NR6A1: variants seen among roughly 807,000 people sequenced by gnomAD.
The protein encoded by NR6A1 is nuclear receptor subfamily 6 group A member 1, also known as retinoic acid receptor-related testis-associated receptor.
Under a neutral mutation model 59.1 loss-of-function variants are expected in NR6A1, and 7 were observed. That is an observed-to-expected ratio of 0.12 (90% CI 0.07 to 0.22). NR6A1 has a LOEUF of 0.22. Among genes scored for constraint, NR6A1 ranks in the 10% least tolerant of loss-of-function variants. NR6A1 has a pLI of 1.00. For synonymous variants in NR6A1, 243 were observed against 236.1 expected (o/e 1.03, Z -0.27); for missense variants, 468 against 611.6 (o/e 0.77, Z 2.48).
At position 124,594,398 on chromosome 9, in the gene NR6A1, T is replaced by C. The variant is rs554696829; in HGVS notation, c.143-39828A>G. Among the ~76,000 whole-genome samples the C allele has an allele frequency of 5.1e-4, 78 of 152,246 alleles. No homozygotes were observed. The Middle Eastern group carries it at 0.01, about 20-fold the overall frequency. ...AGCAGACTACATATCACTAAGAGAC[T>C]CAAGCTCGTCGAAAAAAAATCTAAA... On this transcript the variant is annotated intron_variant, in intron 2 of 9. Coordinates refer to ENST00000487099, the MANE Select transcript of NR6A1 (RefSeq NM_033334.4).
At chr9:124,719,108 G>A (rs1031256189) in intron 2 of NR6A1, among the ~76,000 whole-genome samples, 5 of 150,350 alleles carry the variant, frequency 3.3e-5, no homozygotes, top group Admixed American at 6.6e-5. Flanking sequence ...CTTTTGTGGC[G>A]GGGAGGGTGG....
At chr9:124,652,928 CCAA>C (rs1278266103) in intron 2 of NR6A1, among the ~76,000 whole-genome samples, 10 of 152,308 alleles carry the variant, frequency 6.6e-5, no homozygotes, top group African/African-American at 1.9e-4. Context: ...CTCCAGATGG[CCAA>C]CAACTCTGAA....
rs555099510 is a variant in NR6A1 at position 124,651,885 on chromosome 9, T to C, written c.142+81423A>G. ...CACACAATTTGATCCTCTTCCCAAG[T>C]AGACATTGGCACCTGACCATTTCTG... On this transcript the variant is annotated intron_variant, in intron 2 of 9. Coordinates refer to ENST00000487099, the MANE Select transcript of NR6A1 (RefSeq NM_033334.4). 2.0e-5 allele frequency among the ~76,000 whole-genome samples: 3 copies of C among 152,258 alleles called. No homozygotes were observed. The South Asian group carries it at 6.2e-4, about 32-fold the overall frequency.
At chr9:124,654,226 A>AG in intron 2 of NR6A1, among the ~76,000 whole-genome samples, 1 of 152,258 alleles carries the variant, frequency 6.6e-6, no homozygotes, top group East Asian at 1.9e-4. Flanking sequence ...GATAGTGTCA[A>AG]GGGGGCCTCA....
intron 2 of NR6A1, among the ~76,000 whole-genome samples, chr9:124,563,823 C>T (rs760604648): frequency 3.3e-5 from 5 of 152,174 alleles, no homozygotes; most frequent in Admixed American, 6.5e-5. Context: ...AGCAGCAAGC[C>T]GTAGCTCCCA....
chr9:124,610,271 T>C (rs1835701267), intron 2 of NR6A1, among the ~76,000 whole-genome samples: 1 of 152,220 alleles, frequency 6.6e-6, no homozygotes, highest in African/African-American at 2.4e-5. Flanking sequence ...TTGAGATATA[T>C]TCCTTCAATG....
At chr9:124,656,569 T>C (rs1837264827) in intron 2 of NR6A1, among the ~76,000 whole-genome samples, 1 of 152,146 alleles carries the variant, frequency 6.6e-6, no homozygotes, top group Non-Finnish European at 1.5e-5. Context: ...GGTGGGCTCA[T>C]GCCTGTAATT....
chr9:124,670,989 G>A (rs972050769), intron 2 of NR6A1, among the ~76,000 whole-genome samples: 2 of 152,104 alleles, frequency 1.3e-5, no homozygotes, highest in African/African-American at 4.8e-5. Flanking sequence ...TGAATTTTGA[G>A]GACATTATGC....
chr9:124,761,573 CAG>C (rs1488700128), intron 1 of NR6A1, among the ~76,000 whole-genome samples: 2 of 152,204 alleles, frequency 1.3e-5, no homozygotes, highest in East Asian at 3.8e-4. Flanking sequence ...CTCTCCTATA[CAG>C]ACTTTATTAC....
rs1838838377 is a variant in NR6A1 at position 124,698,587 on chromosome 9, A to C, written c.142+34721T>G. 2 of 152,232 alleles carry C rather than the reference A, an allele frequency of 1.3e-5. 1 individual carries two copies. Among genetic ancestry groups the C allele is most frequent in the African/African-American group, 4.8e-5 (2 of 41,462 alleles). The allele number at this position is 152,232 out of a possible 1,614,324, so 9.4% of individuals were successfully genotyped here. On this transcript the variant is annotated intron_variant, in intron 2 of 9. Coordinates refer to ENST00000487099, the MANE Select transcript of NR6A1 (RefSeq NM_033334.4). ...GACTTTGTGATCTCATAACCTGTCAAGGGGCCTGGCATGGAGTAGATAATA... is the reference window on the plus strand; with the variant it reads ...GACTTTGTGATCTCATAACCTGTCACGGGGCCTGGCATGGAGTAGATAATA...
chr9:124,764,513 G>A (rs996782336), intron 1 of NR6A1, among the ~76,000 whole-genome samples: 2 of 152,118 alleles, frequency 1.3e-5, no homozygotes, highest in African/African-American at 4.8e-5. Flanking sequence ...TGAAATGTAA[G>A]GAGGAACTGG....
At chr9:124,589,703 G>A (rs1835052542) in intron 2 of NR6A1, among the ~76,000 whole-genome samples, 1 of 152,090 alleles carries the variant, frequency 6.6e-6, no homozygotes, top group African/African-American at 2.4e-5. Flanking sequence ...TTGTGCAGTG[G>A]TTATTTAATA....
At chr9:124,756,130 G>A (rs888841198) in intron 1 of NR6A1, among the ~76,000 whole-genome samples, 3 of 152,132 alleles carry the variant, frequency 2.0e-5, no homozygotes, top group Admixed American at 6.5e-5. Context: ...CCAAGGCTAC[G>A]CTTAATGTTT....
chr9:124,589,065 C>T (rs1385981736), intron 2 of NR6A1, among the ~76,000 whole-genome samples: 2 of 152,172 alleles, frequency 1.3e-5, no homozygotes, highest in African/African-American at 2.4e-5. Context: ...CATCACCTCT[C>T]CCTCTTCCTG....
At chr9:124,587,349 T>C (rs1187221717) in intron 2 of NR6A1, among the ~76,000 whole-genome samples, 1 of 152,206 alleles carries the variant, frequency 6.6e-6, no homozygotes, top group African/African-American at 2.4e-5. Flanking sequence ...CTCTGAGGTA[T>C]GCCTATCGCT....
At chr9:124,604,580 G>C (rs557597401) in intron 2 of NR6A1, among the ~76,000 whole-genome samples, 1 of 152,138 alleles carries the variant, frequency 6.6e-6, no homozygotes, top group African/African-American at 2.4e-5. Context: ...ACGCTGAGGC[G>C]GGTAGATCGT....
intron 2 of NR6A1, among the ~76,000 whole-genome samples, chr9:124,565,408 C>A (rs1317819085): frequency 2.0e-5 from 3 of 151,998 alleles, no homozygotes; most frequent in Admixed American, 6.6e-5. Context: ...GCCTGGGCAA[C>A]AGAACGAGAC....
intron 7 of NR6A1, among the ~76,000 whole-genome samples, chr9:124,532,552 T>TCCC (rs1833131608): frequency 1.3e-5 from 2 of 152,108 alleles, no homozygotes; most frequent in African/African-American, 4.8e-5. Flanking sequence ...CCCAGCTTCC[T>TCCC]CCCCACAAAA....
chr9:124,706,564 T>C (rs960576065), intron 2 of NR6A1, among the ~76,000 whole-genome samples: 9 of 151,822 alleles, frequency 5.9e-5, no homozygotes, highest in South Asian at 2.1e-4. Context: ...CAGGCTGGAG[T>C]GCAGTGGCGC....
Sources: gnomAD v4.1 joint callset for allele counts (sites outside exome capture counted in the v4.1 genomes callset) on GRCh38, gnomAD v4.1.1 for gene constraint, MANE v1.5 for transcripts, NCBI Gene and HGNC (gene_info 2026-07-23, HGNC 2026-07-21) for gene names.